CSMD3: variants seen among roughly 807,000 people sequenced by gnomAD.
CSMD3 encodes the protein CUB and sushi domain-containing protein 3.
In CSMD3, 177 loss-of-function variants were observed where a neutral mutation model predicts 435.2. That is an observed-to-expected ratio of 0.41 (90% confidence interval 0.36 to 0.46). The LOEUF (loss-of-function observed/expected upper bound fraction) is 0.46, where lower values mean the gene tolerates loss of function less well. Ranked by LOEUF, CSMD3 falls within the 20% of genes least tolerant of loss-of-function variation. The pLI is 0.34. For synonymous variants in CSMD3, 1,656 were observed against 1,520.5 expected, an observed-to-expected ratio of 1.09 and a Z score of -2.07; for missense variants, 4,265 against 4,504.6, an observed-to-expected ratio of 0.95 and a Z score of 1.52.
intron 4 of CSMD3, among the ~76,000 whole-genome samples, chr8:113,164,422 C>T (rs1237193151): frequency 9.8e-6 from 1 of 101,582 alleles, no homozygotes; most frequent in East Asian, 2.9e-4. Context: ...GGAATTAGTG[C>T]AAAAAAAAAA....
intron 4 of CSMD3, among the ~76,000 whole-genome samples, chr8:113,135,178 C>T (rs1249085961): frequency 6.6e-6 from 1 of 151,920 alleles, no homozygotes; most frequent in Non-Finnish European, 1.5e-5. Flanking sequence ...ATACCTGACA[C>T]ATATTAGGCT....
intron 5 of CSMD3, among the ~76,000 whole-genome samples, chr8:113,043,548 T>C (rs1410366723): frequency 6.6e-6 from 1 of 152,104 alleles, no homozygotes; most frequent in African/African-American, 2.4e-5. Flanking sequence ...AAAATTATAT[T>C]CCCCCTTCCC....
chr8:112,774,224 C>T (rs373067582), intron 13 of CSMD3, among the ~76,000 whole-genome samples: 1 of 152,020 alleles, frequency 6.6e-6, no homozygotes, highest in African/African-American at 2.4e-5. Context: ...AATTTTCTCA[C>T]TGACACCTGG....
intron 9 of CSMD3, among the ~76,000 whole-genome samples, chr8:112,923,834 A>G (rs1338615508): frequency 6.6e-6 from 1 of 152,170 alleles, no homozygotes; most frequent in African/African-American, 2.4e-5. Flanking sequence ...GGTTGCTATC[A>G]TATAAGACTG....
intron 5 of CSMD3, among the ~76,000 whole-genome samples, chr8:113,043,198 G>A (rs1195443996): frequency 1.3e-5 from 2 of 152,152 alleles, no homozygotes; most frequent in Non-Finnish European, 2.9e-5. Context: ...TGCAGGGTCT[G>A]CAAGATCTAA....
intron 7 of CSMD3, among the ~76,000 whole-genome samples, chr8:112,969,721 T>G (rs2084571710): frequency 6.6e-6 from 1 of 151,990 alleles, no homozygotes; most frequent in South Asian, 2.1e-4. Context: ...ATACCCAAAT[T>G]TTGTACTTAA....
chr8:113,119,280 G>A lies in CSMD3; in HGVS notation c.710-20317C>T, dbSNP rs143773358. ...ATTGTGTAAACAAAGGCACTATTCT[G>A]AGCCTTTAAAATAGATCATCAAATT... On this transcript the variant is annotated intron_variant, in intron 4 of 70. Transcript: ENST00000297405. Among the ~76,000 whole-genome samples the A allele has an allele frequency of 2.8e-4, 42 of 152,234 alleles. No homozygotes were observed. In the East Asian group the frequency reaches 7.5e-3, roughly 27 times the overall value.
chr8:112,954,812 T>C, intron 7 of CSMD3, 51 bp from the exon 8 acceptor site: 1 of 1,145,414 alleles, frequency 8.7e-7, no homozygotes, highest in Non-Finnish European at 1.3e-6. Flanking sequence ...AATTTTAAAA[T>C]GAAATTCAAG....
chr8:112,317,253 G>A (rs909908932), intron 47 of CSMD3, among the ~76,000 whole-genome samples: 1 of 151,954 alleles, frequency 6.6e-6, no homozygotes, highest in African/African-American at 2.4e-5. Context: ...GACATTGAAA[G>A]TCTGAGAGAC....
intron 6 of CSMD3, among the ~76,000 whole-genome samples, chr8:113,010,217 G>A (rs1281935860): frequency 1.3e-5 from 2 of 151,638 alleles, no homozygotes; most frequent in African/African-American, 2.4e-5. Context: ...AGCCTCTAGT[G>A]AAACTATCTA....
chr8:113,030,981 A>G (rs1587927378), intron 5 of CSMD3, among the ~76,000 whole-genome samples: 1 of 151,732 alleles, frequency 6.6e-6, no homozygotes, highest in African/African-American at 2.4e-5. Context: ...GGCTAAAATT[A>G]AAAACAGTGA....
intron 22 of CSMD3, among the ~76,000 whole-genome samples, chr8:112,599,118 C>T (rs1832058275): frequency 6.8e-6 from 1 of 146,848 alleles, no homozygotes; most frequent in Admixed American, 6.8e-5. Flanking sequence ...GCAACCTACT[C>T]ATCTGACAAA....
chr8:112,404,716 T>C (rs1125202), intron 35 of CSMD3, among the ~76,000 whole-genome samples: 66,103 of 151,788 alleles, frequency 0.44, 15,262 homozygotes, highest in Middle Eastern at 0.6. Context: ...AAATATAATT[T>C]ATTTTCATAT....
chr8:113,154,785 G>C, intron 4 of CSMD3, among the ~76,000 whole-genome samples: 1 of 151,962 alleles, frequency 6.6e-6, no homozygotes, highest in African/African-American at 2.4e-5. Context: ...TATACTGTAT[G>C]TCTTTCCCAT....
At chr8:113,071,768 T>A (rs1391180338) in intron 5 of CSMD3, among the ~76,000 whole-genome samples, 2 of 151,928 alleles carry the variant, frequency 1.3e-5, no homozygotes, top group Non-Finnish European at 2.9e-5. Flanking sequence ...CTTGTTCAAA[T>A]TGCTTTCAAA....
At chr8:112,410,636 A>ATATATGTATATATATATGTATATATATG (rs1391045115) in intron 32 of CSMD3, among the ~76,000 whole-genome samples, 2 of 99,964 alleles carry the variant, frequency 2.0e-5, no homozygotes, top group African/African-American at 6.8e-5. Context: ...GTGTATATAT[A>ATATATGTATATATATATGTATATATATG]TGTATATATA....
At chr8:112,275,373 C>A (rs952001297) in intron 59 of CSMD3, among the ~76,000 whole-genome samples, 28 of 151,988 alleles carry the variant, frequency 1.8e-4, no homozygotes, top group South Asian at 6.2e-4. Flanking sequence ...CATGGCGAAA[C>A]CCTGTCTCTA....
At chr8:112,705,384 C>A (rs1266018064) in intron 13 of CSMD3, among the ~76,000 whole-genome samples, 1 of 152,028 alleles carries the variant, frequency 6.6e-6, no homozygotes, top group African/African-American at 2.4e-5. Flanking sequence ...AAGTTAATGC[C>A]CCAGCCCAAA....
chr8:112,961,387 T>C (rs2084224242), intron 7 of CSMD3, among the ~76,000 whole-genome samples: 1 of 151,912 alleles, frequency 6.6e-6, no homozygotes, highest in Non-Finnish European at 1.5e-5. Context: ...TATAAAACCA[T>C]ATAAATACAA....
Sources: allele counts gnomAD v4.1 joint callset (sites outside exome capture counted in the v4.1 genomes callset), GRCh38; gene constraint gnomAD v4.1.1; transcripts MANE v1.5; gene names NCBI Gene and HGNC (gene_info 2026-07-23, HGNC 2026-07-21).